FOXP1: variants seen among roughly 807,000 people sequenced by gnomAD.
FOXP1 encodes forkhead box P1.
Under a neutral mutation model 98.2 loss-of-function variants are expected in FOXP1, and 15 were observed. The observed-to-expected ratio is 0.15, with a 90% CI of 0.10 to 0.24. The LOEUF (loss-of-function observed/expected upper bound fraction) is 0.24. Among genes scored for constraint, FOXP1 ranks in the 10% least tolerant of loss-of-function variants. FOXP1 has a pLI of 1.00. For missense variants in FOXP1, 633 were observed against 848.5 expected (o/e 0.75, Z 3.15); for synonymous variants, 371 against 314.5 (o/e 1.18, Z -1.90).
intron 3 of FOXP1, among the ~76,000 whole-genome samples, chr3:71,393,815 G>A (rs1359184338): frequency 6.6e-6 from 1 of 152,118 alleles, no homozygotes. Flanking sequence ...ACTACTCTTG[G>A]AGAACCTGAC....
At chr3:71,413,956 G>C (rs1277301577) in intron 3 of FOXP1, among the ~76,000 whole-genome samples, 1 of 151,978 alleles carries the variant, frequency 6.6e-6, no homozygotes, top group East Asian at 1.9e-4. Flanking sequence ...CAAGGATGAG[G>C]GGAGGAATGT....
chr3:71,146,229 C>G (rs543319754), intron 6 of FOXP1, among the ~76,000 whole-genome samples: 1 of 152,290 alleles, frequency 6.6e-6, no homozygotes, highest in African/African-American at 2.4e-5. Context: ...GTTTTTAGTG[C>G]TGCTGAACCA....
intron 3 of FOXP1, among the ~76,000 whole-genome samples, chr3:71,375,161 C>CAGTAGAAAAG (rs1312521501): frequency 5.9e-5 from 9 of 152,246 alleles, no homozygotes; most frequent in Non-Finnish European, 1.3e-4. Flanking sequence ...GTGGTTACCT[C>CAGTAGAAAAG]TAAATGCATT....
At chr3:71,237,811 A>G (rs947594256) in intron 5 of FOXP1, among the ~76,000 whole-genome samples, 13 of 152,232 alleles carry the variant, frequency 8.5e-5, no homozygotes, top group African/African-American at 2.4e-4. Flanking sequence ...ACCTGTCAAG[A>G]TAACAGTAAG....
Position 70,958,461 on chromosome 3 carries a change from AG to A in FOXP1, c.*785del. ...TTTAGAGAAACGTGGTGATGTCTGAAGGAAGATGGAATGAGTGACAGAAAGC... is the reference window on the plus strand; with the variant it reads ...TTTAGAGAAACGTGGTGATGTCTGAAGAAGATGGAATGAGTGACAGAAAGC... On this transcript the variant is annotated 3_prime_UTR_variant, in exon 21 of 21. Transcript: ENST00000649528. 2.5e-6 allele frequency: 1 copy of A among 403,698 alleles called. No individual in the cohort carries two copies. Among genetic ancestry groups the A allele is most frequent in the Non-Finnish European group, 4.8e-6 (1 of 209,520 alleles). The allele number at this position is 403,698 out of a possible 1,614,324, so 25.0% of individuals were successfully genotyped here. A position where few individuals can be genotyped will look rare whatever the true frequency, so the allele number is the denominator to read the frequency against.
chr3:71,565,180 T>C (rs1448119017), intron 2 of FOXP1, among the ~76,000 whole-genome samples: 2 of 152,148 alleles, frequency 1.3e-5, no homozygotes, highest in Non-Finnish European at 2.9e-5. Flanking sequence ...TTCTGTCAAT[T>C]TGTCCATAGT....
chr3:71,465,290 A>G (rs1377660558), intron 3 of FOXP1, among the ~76,000 whole-genome samples: 3 of 147,962 alleles, frequency 2.0e-5, no homozygotes, highest in Non-Finnish European at 3.0e-5. Context: ...CTGGGCAACA[A>G]GAGTGAAACT....
intron 18 of FOXP1, chr3:70,971,930 C>T (rs1163737924): frequency 8.4e-7 from 1 of 1,191,498 alleles, no homozygotes; most frequent in African/African-American, 1.6e-5. Context: ...TGGTGAAATG[C>T]AAAACTACAT....
chr3:71,382,626 A>C (rs1231217061), intron 3 of FOXP1, among the ~76,000 whole-genome samples: 5 of 152,212 alleles, frequency 3.3e-5, no homozygotes, highest in Non-Finnish European at 5.9e-5. Flanking sequence ...AGTTGCTAGG[A>C]ATCATCTTAA....
At chr3:71,020,840 TTC>T (rs530097685) in intron 11 of FOXP1, among the ~76,000 whole-genome samples, 125 of 152,286 alleles carry the variant, frequency 8.2e-4, no homozygotes, top group Non-Finnish European at 1.6e-3. Context: ...CTCTCCAAAT[TTC>T]TGATTCATCT....
At chr3:71,013,267 AATTGGTAGCTTTCC>A (rs1378728534) in intron 12 of FOXP1, among the ~76,000 whole-genome samples, 1 of 152,170 alleles carries the variant, frequency 6.6e-6, no homozygotes, top group East Asian at 1.9e-4. Flanking sequence ...TTAAGAACCA[AATTGGTAGCTTTCC>A]TCGCCATCTG....
At chr3:71,565,448 G>T (rs961741634) in intron 2 of FOXP1, among the ~76,000 whole-genome samples, 2 of 146,726 alleles carry the variant, frequency 1.4e-5, no homozygotes, top group Admixed American at 6.7e-5. Flanking sequence ...TGGCAGTGAT[G>T]GGGGGGGAGC....
chr3:71,235,299 T>C (rs2704802), intron 5 of FOXP1, among the ~76,000 whole-genome samples: 120,933 of 152,166 alleles, frequency 0.79, 48,363 homozygotes, highest in African/African-American at 0.89. Flanking sequence ...ATCATCTATA[T>C]AATAAATAGA....
chr3:71,101,291 G>A (rs1027405020), intron 7 of FOXP1, among the ~76,000 whole-genome samples: 1 of 152,148 alleles, frequency 6.6e-6, no homozygotes, highest in Non-Finnish European at 1.5e-5. Flanking sequence ...GAGAACCACA[G>A]GTAGGCACTT....
intron 6 of FOXP1, among the ~76,000 whole-genome samples, chr3:71,193,612 C>T (rs143256915): frequency 0.013 from 1,977 of 152,102 alleles, 38 homozygotes; most frequent in African/African-American, 0.044. Flanking sequence ...CCATGCCCAG[C>T]TAATTTTTGT....
intron 6 of FOXP1, among the ~76,000 whole-genome samples, chr3:71,127,125 G>A (rs2059266197): frequency 6.6e-6 from 1 of 152,070 alleles, no homozygotes; most frequent in African/African-American, 2.4e-5. Flanking sequence ...TTTCAACGAA[G>A]GAGTCTGAAC....
At chr3:71,327,133 AC>A (rs1254209446) in intron 4 of FOXP1, among the ~76,000 whole-genome samples, 2 of 151,986 alleles carry the variant, frequency 1.3e-5, no homozygotes, top group Non-Finnish European at 2.9e-5. Context: ...GCCATACTGA[AC>A]AAAAGCAAGT....
intron 6 of FOXP1, among the ~76,000 whole-genome samples, chr3:71,180,287 A>T (rs1430954082): frequency 6.6e-6 from 1 of 150,706 alleles, no homozygotes; most frequent in Non-Finnish European, 1.5e-5. Context: ...TAAAAAAGAG[A>T]CTCACCAGGT....
intron 5 of FOXP1, among the ~76,000 whole-genome samples, chr3:71,277,417 C>T (rs2071028635): frequency 1.3e-5 from 2 of 152,036 alleles, no homozygotes; most frequent in African/African-American, 4.8e-5. Flanking sequence ...GAATATTATT[C>T]CATTGCATAT....
Sources: allele counts gnomAD v4.1 joint callset (sites outside exome capture counted in the v4.1 genomes callset), GRCh38; gene constraint gnomAD v4.1.1; transcripts MANE v1.5; gene names NCBI Gene and HGNC (gene_info 2026-07-23, HGNC 2026-07-21).